The following RGS5 variants were observed in gnomAD, a reference collection of about 807,000 sequenced individuals.
The protein encoded by RGS5 is regulator of G protein signaling 5, also known as regulator of G-protein signalling 5.
RGS5 carries 20 observed loss-of-function variants against 18.9 expected under a neutral mutation model. The ratio of observed to expected loss-of-function variants is 1.06; its 90% CI spans 0.74 to 1.54. The LOEUF is 1.54. RGS5 is among the 40% of genes most tolerant of loss of function. The pLI is 0.00. For missense variants in RGS5, 201 were observed against 211.8 expected, an observed-to-expected ratio of 0.95 and a Z score of 0.32; for synonymous variants, 57 against 76.2, an observed-to-expected ratio of 0.75 and a Z score of 1.31.
chr1:163,245,512 A>G (rs1299597103), intron 2 of RGS5, among the ~76,000 whole-genome samples: 7 of 152,256 alleles, frequency 4.6e-5, no homozygotes, highest in African/African-American at 1.7e-4. Context: ...TTCTCCAAGC[A>G]TATCATAAGA....
chr1:163,150,465 T>C (rs1657328658), intron 4 of RGS5, among the ~76,000 whole-genome samples: 1 of 152,094 alleles, frequency 6.6e-6, no homozygotes, highest in South Asian at 2.1e-4. Context: ...TCCTTTGAAA[T>C]GGGGAAATAC....
chr1:163,283,549 T>C (rs1649054343), intron 2 of RGS5, among the ~76,000 whole-genome samples: 1 of 152,168 alleles, frequency 6.6e-6, no homozygotes, highest in East Asian at 1.9e-4. Flanking sequence ...CATACCTCCA[T>C]GAAATTTCCA....
At chr1:163,173,859 A>G (rs552553298) in intron 1 of RGS5, among the ~76,000 whole-genome samples, 50 of 152,266 alleles carry the variant, frequency 3.3e-4, no homozygotes, top group African/African-American at 1.1e-3. Flanking sequence ...GTGGATCATG[A>G]GGTCACGCAT....
intron 1 of RGS5, among the ~76,000 whole-genome samples, chr1:163,317,353 G>A (rs149051541): frequency 3.9e-5 from 6 of 152,290 alleles, no homozygotes; most frequent in African/African-American, 1.4e-4. Flanking sequence ...ACCAAAGCTT[G>A]TTTAAGAAAC....
chr1:163,318,179 C>T (rs1390282502), intron 1 of RGS5, among the ~76,000 whole-genome samples: 1 of 152,110 alleles, frequency 6.6e-6, no homozygotes, highest in Non-Finnish European at 1.5e-5. Context: ...GTAAAGCAGC[C>T]TCATGAATGC....
chr1:163,302,790 C>T (rs1012148896), intron 2 of RGS5, among the ~76,000 whole-genome samples: 2 of 152,230 alleles, frequency 1.3e-5, no homozygotes, highest in Non-Finnish European at 1.5e-5. Flanking sequence ...CCCTTCCTCA[C>T]ACCAAATTCA....
chr1:163,164,883 A>G (rs1260398480), intron 2 of RGS5, among the ~76,000 whole-genome samples: 1 of 152,218 alleles, frequency 6.6e-6, no homozygotes, highest in East Asian at 1.9e-4. Flanking sequence ...GCACATACTT[A>G]AATGTCTTAA....
chr1:163,227,546 C>T (rs914356746), intron 2 of RGS5, among the ~76,000 whole-genome samples: 18 of 152,068 alleles, frequency 1.2e-4, no homozygotes, highest in Non-Finnish European at 7.4e-5. Flanking sequence ...AGGTGAAAAT[C>T]GGGTGGGGAC....
In RGS5 at chr1:163,279,051, C is replaced by A. The variant is rs1648928372; in HGVS notation, c.-281+27182G>T. Among the ~76,000 whole-genome samples, 3 of 152,082 alleles carry A rather than the reference C, an allele frequency of 2.0e-5. No homozygotes were observed. In the South Asian group the frequency reaches 6.2e-4, roughly 32 times the overall value. ...AATATTATTCGAGCTAAAGACAGAG[C>A]TAGACCCTAATACAACAATAATTGG... On this transcript the variant is annotated intron_variant, in intron 2 of 5. Transcript: ENST00000618415.
chr1:163,307,339 CCAAGTGGTAA>C (rs1649731208), intron 1 of RGS5, among the ~76,000 whole-genome samples: 1 of 152,042 alleles, frequency 6.6e-6, no homozygotes, highest in South Asian at 2.1e-4. Context: ...GTCTACATTG[CCAAGTGGTAA>C]AATAGTTGGA....
intron 1 of RGS5, among the ~76,000 whole-genome samples, chr1:163,194,774 G>A (rs1220181187): frequency 1.3e-5 from 2 of 152,080 alleles, no homozygotes; most frequent in African/African-American, 2.4e-5. Context: ...ATTGAGAAAA[G>A]AGCATTGAAA....
At chr1:163,195,478 C>T (rs903215151) in intron 1 of RGS5, among the ~76,000 whole-genome samples, 2 of 151,908 alleles carry the variant, frequency 1.3e-5, no homozygotes, top group Non-Finnish European at 2.9e-5. Flanking sequence ...CTACAGGGTG[C>T]AGTGCTTGGG....
At chr1:163,291,844 C>T (rs184480616) in intron 2 of RGS5, among the ~76,000 whole-genome samples, 156 of 152,148 alleles carry the variant, frequency 1.0e-3, no homozygotes, top group Non-Finnish European at 1.9e-3. Context: ...ATTTCCTGAG[C>T]GGTGTGGCCA....
chr1:163,150,696 C>T (rs769258861), intron 4 of RGS5, among the ~76,000 whole-genome samples: 10 of 152,114 alleles, frequency 6.6e-5, no homozygotes, highest in Non-Finnish European at 1.3e-4. Flanking sequence ...AGCACCTTTT[C>T]ATTTTCGTGG....
intron 1 of RGS5, among the ~76,000 whole-genome samples, chr1:163,190,990 CAT>C (rs66976988): frequency 0.34 from 51,886 of 151,180 alleles, 9,189 homozygotes; most frequent in African/African-American, 0.39. Flanking sequence ...TGGATCAATA[CAT>C]ATATATATAT....
chr1:163,244,929 C>T (rs1390244474), intron 2 of RGS5: 1 of 152,154 alleles, frequency 6.6e-6, no homozygotes, highest in Non-Finnish European at 1.5e-5. Flanking sequence ...TCAGATAACA[C>T]CCACTTTTCA....
At chr1:163,316,669 G>C (rs942498367) in intron 1 of RGS5, among the ~76,000 whole-genome samples, 1 of 151,682 alleles carries the variant, frequency 6.6e-6, no homozygotes, top group Non-Finnish European at 1.5e-5. Flanking sequence ...TTGGAATATT[G>C]CTTTCGGTAT....
At chr1:163,257,138 G>A (rs960883624) in intron 2 of RGS5, among the ~76,000 whole-genome samples, 2 of 152,186 alleles carry the variant, frequency 1.3e-5, no homozygotes, top group East Asian at 1.9e-4. Flanking sequence ...TTCTTGTCTA[G>A]GCTAGTCTAA....
upstream of RGS5, among the ~76,000 whole-genome samples, chr1:163,220,623 G>A (rs1488200074): frequency 1.3e-5 from 2 of 152,182 alleles, no homozygotes; most frequent in Non-Finnish European, 1.5e-5. Context: ...GTGGTAGTCT[G>A]AATAATGCCC....
Sources: gnomAD v4.1 joint callset for allele counts (sites outside exome capture counted in the v4.1 genomes callset) on GRCh38, gnomAD v4.1.1 for gene constraint, MANE v1.5 for transcripts, NCBI Gene and HGNC (gene_info 2026-07-23, HGNC 2026-07-21) for gene names.